The following XRRA1 variants were observed in gnomAD, a reference collection of about 807,000 sequenced individuals.
The protein encoded by XRRA1 is X-ray radiation resistance-associated protein 1.
XRRA1 carries 69 observed loss-of-function variants against 80.2 expected under a neutral mutation model. The ratio of observed to expected loss-of-function variants is 0.86; its 90% CI spans 0.71 to 1.05. XRRA1 has a LOEUF of 1.05. Ranked by LOEUF, XRRA1 falls within the 50% of genes least tolerant of loss-of-function variation. The probability of loss-of-function intolerance (pLI) is 0.00; values close to 1 mark genes in which losing one functional copy is unlikely to be tolerated. For missense variants in XRRA1, 967 were observed against 976.4 expected (o/e 0.99, Z 0.13); for synonymous variants, 348 against 389.9 (o/e 0.89, Z 1.27).
intron 16 of XRRA1, 150 bp from the exon 17 acceptor site, chr11:74,844,433 C>T (rs997138422): frequency 1.9e-5 from 12 of 628,776 alleles, no homozygotes; most frequent in African/African-American, 1.1e-4. Flanking sequence ...AGGTTTCTTC[C>T]GGATCTGTTC....
At chr11:74,896,234 G>C (rs780464135) in intron 10 of XRRA1, among the ~76,000 whole-genome samples, 19 of 152,268 alleles carry the variant, frequency 1.2e-4, no homozygotes, top group Non-Finnish European at 2.1e-4. Flanking sequence ...AGGTCTCTGA[G>C]TCCAGACCTA....
chr11:74,860,744 A>G (rs540368065), intron 11 of XRRA1, among the ~76,000 whole-genome samples: 15 of 152,194 alleles, frequency 9.9e-5, no homozygotes, highest in African/African-American at 3.6e-4. Flanking sequence ...CCATGTGTCT[A>G]CCCTCCTGAA....
Position 74,924,198 on chromosome 11 carries a change from G to A in XRRA1, c.523-2851C>T, listed in dbSNP as rs140499725. 3.9e-3 allele frequency among the ~76,000 whole-genome samples: 584 copies of A among 151,454 alleles called. 2 individuals are homozygous for A. Among genetic ancestry groups the A allele is most frequent in the African/African-American group, 0.013 (523 of 41,416 alleles). On this transcript the variant is annotated intron_variant, in intron 7 of 18. Transcript: ENST00000684022. ...TAAAAAAAAAGAGTAAGAGTGGGCC[G>A]GGCGCGGTGGCTCACGCCTGTAATC...
At chr11:74,915,953 G>T (rs1349836616) in intron 8 of XRRA1, among the ~76,000 whole-genome samples, 1 of 151,364 alleles carries the variant, frequency 6.6e-6, no homozygotes, top group Non-Finnish European at 1.5e-5. Context: ...TGATTGACAG[G>T]TTTTTTTTTC....
rs141374101 is a variant in XRRA1, at chr11:74,921,459, C to A, written c.523-112G>T. ...TGCCCCATCGCCCACAGGACAAAAC[C>A]CTCCTGGATCTCCAGATTAATATTC... On this transcript the variant is annotated intron_variant, in intron 7 of 18. Transcript: ENST00000684022. The A allele has an allele frequency of 2.8e-5, 37 of 1,344,744 alleles. No homozygotes were observed. In the African/African-American group the frequency reaches 4.6e-4, roughly 17 times the overall value. The allele number at this position is 1,344,744 out of a possible 1,614,324, so 83.3% of individuals were successfully genotyped here. A position where few individuals can be genotyped will look rare whatever the true frequency, so the allele number is the denominator to read the frequency against.
intron 10 of XRRA1, among the ~76,000 whole-genome samples, chr11:74,890,745 C>T (rs1209631910): frequency 6.6e-6 from 1 of 152,176 alleles, no homozygotes; most frequent in African/African-American, 2.4e-5. Context: ...CACAGAAATA[C>T]AAACTACCAT....
intron 14 of XRRA1, among the ~76,000 whole-genome samples, chr11:74,850,141 G>T (rs1475724506): frequency 6.6e-6 from 1 of 152,164 alleles, no homozygotes; most frequent in African/African-American, 2.4e-5. Context: ...AGGTGTGAGG[G>T]GTCCCCTAGG....
At chr11:74,845,683 C>T (rs183988225) in intron 15 of XRRA1, among the ~76,000 whole-genome samples, 1 of 152,266 alleles carries the variant, frequency 6.6e-6, no homozygotes, top group East Asian at 1.9e-4. Flanking sequence ...TTTCGGGGAA[C>T]TAAAGATTGG....
At chr11:74,911,706 T>A (rs562771919) in intron 8 of XRRA1, among the ~76,000 whole-genome samples, 6 of 152,228 alleles carry the variant, frequency 3.9e-5, no homozygotes, top group Admixed American at 2.6e-4. Context: ...CCATTCCCCG[T>A]GGTGGTGGAT....
At chr11:74,865,535 G>A (rs1444871540) in intron 10 of XRRA1, among the ~76,000 whole-genome samples, 1 of 151,992 alleles carries the variant, frequency 6.6e-6, no homozygotes, top group Non-Finnish European at 1.5e-5. Context: ...AGGCACACCA[G>A]CCTCCATCCC....
At chr11:74,855,409 T>C (rs2040856918) in intron 12 of XRRA1, among the ~76,000 whole-genome samples, 1 of 152,182 alleles carries the variant, frequency 6.6e-6, no homozygotes, top group African/African-American at 2.4e-5. Flanking sequence ...GATAAAAAAA[T>C]TGAATGATAC....
intron 10 of XRRA1, among the ~76,000 whole-genome samples, chr11:74,873,068 C>G (rs563048455): frequency 6.6e-6 from 1 of 152,086 alleles, no homozygotes; most frequent in African/African-American, 2.4e-5. Flanking sequence ...CTCTTTGTTT[C>G]CCCCAGGTGG....
At chr11:74,880,042 A>C (rs1460963818) in intron 10 of XRRA1, among the ~76,000 whole-genome samples, 1 of 152,008 alleles carries the variant, frequency 6.6e-6, no homozygotes, top group Non-Finnish European at 1.5e-5. Flanking sequence ...AAGGAATGGT[A>C]CTAGTTCCTC....
intron 4 of XRRA1, among the ~76,000 whole-genome samples, chr11:74,936,356 G>A (rs1411223517): frequency 1.3e-5 from 2 of 152,238 alleles, no homozygotes; most frequent in Non-Finnish European, 2.9e-5. Flanking sequence ...GACAAAGGCT[G>A]TGGGAGAGCA....
Position 74,907,131 on chromosome 11 carries a change from G to A in XRRA1, c.785+14C>T, listed in dbSNP as rs1180448487. The A allele has an allele frequency of 1.2e-6, 2 of 1,613,132 alleles. No individual in the cohort carries two copies. The highest frequency in any genetic ancestry group is 2.2e-5 in the East Asian group (1 of 44,876). ...ATTAGAGGAGGCCCAGCAGAGAAAG[G>A]CTTATGGCTTTACCTCCTGAGCCCA... On this transcript the variant is annotated intron_variant, in intron 9 of 18. Coordinates refer to ENST00000684022, the MANE Select transcript of XRRA1 (RefSeq NM_001378157.1).
chr11:74,933,255 C>A, intron 5 of XRRA1: 1 of 151,884 alleles, frequency 6.6e-6, no homozygotes, highest in East Asian at 1.9e-4. Flanking sequence ...AGGCAATTTT[C>A]TTTTCTTTTC....
intron 10 of XRRA1, among the ~76,000 whole-genome samples, chr11:74,878,539 C>A (rs1317362852): frequency 0.054 from 8,121 of 151,620 alleles, 727 homozygotes; most frequent in African/African-American, 0.19. Context: ...GTCCTTGCCC[C>A]TGCCTGTGTC....
chr11:74,851,927 G>T, intron 13 of XRRA1, 62 bp downstream of exon 13: 2 of 1,397,240 alleles, frequency 1.4e-6, no homozygotes, highest in Non-Finnish European at 2.0e-6. Flanking sequence ...AGGTGGGGAT[G>T]AGGGTGCCAC....
chr11:74,905,210 T>A (rs891488239), intron 10 of XRRA1, among the ~76,000 whole-genome samples: 14 of 152,056 alleles, frequency 9.2e-5, no homozygotes, highest in Non-Finnish European at 1.2e-4. Context: ...GCTAATTTTT[T>A]AATTTTTTAT....
Sources: gnomAD v4.1 joint callset for allele counts (sites outside exome capture counted in the v4.1 genomes callset) on GRCh38, gnomAD v4.1.1 for gene constraint, MANE v1.5 for transcripts, NCBI Gene and HGNC (gene_info 2026-07-23, HGNC 2026-07-21) for gene names.